Variants in ATOSA observed in about 807,000 individuals in gnomAD.
ATOSA encodes the protein atos homolog protein A.
At chr15:52,665,818 A>G in the ATOSA span, among the ~76,000 whole-genome samples, 1 of 152,232 alleles carries the variant, frequency 6.6e-6, no homozygotes, top group Non-Finnish European at 1.5e-5. Flanking sequence ...TTAAAAATTA[A>G]AACATTAAGA....
At chr15:52,698,070 G>A in the ATOSA span, among the ~76,000 whole-genome samples, 3 of 138,344 alleles carry the variant, frequency 2.2e-5, no homozygotes, top group East Asian at 2.3e-4. Flanking sequence ...TCCACCTCCC[G>A]GATTCAAGTG....
the ATOSA span, chr15:52,677,976 G>A: frequency 1.2e-6 from 2 of 1,613,684 alleles, no homozygotes; most frequent in Non-Finnish European, 8.5e-7. Context: ...GGGGGTGGGG[G>A]AACAAGCCCT....
At chr15:52,644,839 T>A in the ATOSA span, among the ~76,000 whole-genome samples, 1 of 152,192 alleles carries the variant, frequency 6.6e-6, no homozygotes, top group Non-Finnish European at 1.5e-5. Flanking sequence ...GAGTTCTAAT[T>A]TCTGTATTGA....
chr15:52,698,502 CAAAT>C, the ATOSA span, among the ~76,000 whole-genome samples: 2 of 152,068 alleles, frequency 1.3e-5, no homozygotes, highest in East Asian at 1.9e-4. Flanking sequence ...TCCAAATGCT[CAAAT>C]AAATTGTAAT....
At chr15:52,657,866 G>A in the ATOSA span, 2 of 152,076 alleles carry the variant, frequency 1.3e-5, no homozygotes, top group Non-Finnish European at 2.9e-5. Flanking sequence ...TTTAAATAAA[G>A]TAGAAAAAAG....
At chr15:52,619,569 G>C in the ATOSA span, among the ~76,000 whole-genome samples, 2 of 152,132 alleles carry the variant, frequency 1.3e-5, no homozygotes, top group African/African-American at 4.8e-5. Context: ...TATTTGGCCA[G>C]GTGTGGTGGC....
At chr15:52,692,294 TG>T in the ATOSA span, among the ~76,000 whole-genome samples, 4 of 151,632 alleles carry the variant, frequency 2.6e-5, no homozygotes, top group Non-Finnish European at 5.9e-5. Flanking sequence ...GATTGTTTTA[TG>T]CCAAAATCTA....
chr15:52,648,728 A>G, the ATOSA span: 1 of 152,158 alleles, frequency 6.6e-6, no homozygotes, highest in Non-Finnish European at 1.5e-5. Flanking sequence ...CATCCCTCTC[A>G]TATGACAGAT....
chr15:52,676,607 G>T, the ATOSA span, among the ~76,000 whole-genome samples: 1 of 152,102 alleles, frequency 6.6e-6, no homozygotes, highest in Non-Finnish European at 1.5e-5. Context: ...CTTTACCTGA[G>T]AATGCTAAAG....
chr15:52,628,959 C>G, the ATOSA span, among the ~76,000 whole-genome samples: 1 of 152,186 alleles, frequency 6.6e-6, no homozygotes, highest in Non-Finnish European at 1.5e-5. Context: ...CTCCTTTATA[C>G]AATCCTGAAG....
At chr15:52,685,514 A>G in the ATOSA span, among the ~76,000 whole-genome samples, 1 of 151,538 alleles carries the variant, frequency 6.6e-6, no homozygotes, top group African/African-American at 2.4e-5. Flanking sequence ...GCTTGCTGCA[A>G]CCTCTGCCTT....
the ATOSA span, among the ~76,000 whole-genome samples, chr15:52,673,666 T>C: frequency 2.6e-5 from 4 of 152,262 alleles, no homozygotes; most frequent in Admixed American, 2.0e-4. Context: ...TTATTTAATC[T>C]AGTCAGTATT....
chr15:52,624,766 ATG>A, the ATOSA span, among the ~76,000 whole-genome samples: 1 of 148,662 alleles, frequency 6.7e-6, no homozygotes, highest in African/African-American at 2.5e-5. Context: ...TCAAAGGAAT[ATG>A]TGTACCTGCT....
chr15:52,636,209 T>A, the ATOSA span, among the ~76,000 whole-genome samples: 3 of 150,452 alleles, frequency 2.0e-5, no homozygotes, highest in Non-Finnish European at 1.5e-5. Flanking sequence ...TCATAAAGTA[T>A]GTTTTCCAAA....
the ATOSA span, among the ~76,000 whole-genome samples, chr15:52,694,995 G>A: frequency 6.6e-6 from 1 of 151,056 alleles, no homozygotes; most frequent in African/African-American, 2.4e-5. Context: ...TGTGATCCCG[G>A]CTCACTGCAA....
the ATOSA span, among the ~76,000 whole-genome samples, chr15:52,607,106 T>C: frequency 1.3e-5 from 2 of 152,330 alleles, no homozygotes; most frequent in East Asian, 1.9e-4. Context: ...AGATTAATCA[T>C]GAGTCTTGTA....
the ATOSA span, among the ~76,000 whole-genome samples, chr15:52,703,291 G>C: frequency 1.3e-5 from 2 of 152,056 alleles, no homozygotes; most frequent in Non-Finnish European, 1.5e-5. Flanking sequence ...AAAATTTTAG[G>C]GGTGATAGAA....
the ATOSA span, among the ~76,000 whole-genome samples, chr15:52,619,842 GAA>G: frequency 6.7e-6 from 1 of 150,140 alleles, no homozygotes. Flanking sequence ...AAAAAGAAAA[GAA>G]AAGAAAAGAA....
the ATOSA span, among the ~76,000 whole-genome samples, chr15:52,647,875 C>T: frequency 6.6e-6 from 1 of 152,100 alleles, no homozygotes; most frequent in Non-Finnish European, 1.5e-5. Flanking sequence ...CTTTCCTTAC[C>T]ACTATTGACT....
Sources: gnomAD v4.1 joint callset for allele counts (sites outside exome capture counted in the v4.1 genomes callset) on GRCh38, gnomAD v4.1.1 for gene constraint, MANE v1.5 for transcripts, NCBI Gene and HGNC (gene_info 2026-07-23, HGNC 2026-07-21) for gene names.